Variants in HAUS7 observed in about 807,000 individuals in gnomAD.
The protein encoded by HAUS7 is HAUS augmin-like complex subunit 7.
In HAUS7, 3 loss-of-function variants were observed where a neutral mutation model predicts 28.4. The observed-to-expected ratio is 0.11, with a 90% CI of 0.05 to 0.27. The LOEUF is 0.27. Among genes scored for constraint, HAUS7 ranks in the 10% least tolerant of loss-of-function variants. HAUS7 has a pLI of 1.00. For synonymous variants in HAUS7, 165 were observed against 132.1 expected (o/e 1.25, Z -1.71); for missense variants, 284 against 297.3 (o/e 0.96, Z 0.33).
intron 3 of HAUS7, among the ~76,000 whole-genome samples, chrX:153,464,643 G>C (rs1008526678): frequency 8.9e-6 from 1 of 112,791 alleles, no homozygotes; most frequent in Non-Finnish European, 1.9e-5. Context: ...ATGATAGAAA[G>C]GAGGTTATAA....
At chrX:153,452,992 C>T (rs1012658604) in intron 9 of HAUS7, among the ~76,000 whole-genome samples, 1 of 111,969 alleles carries the variant, frequency 8.9e-6, no homozygotes, top group Non-Finnish European at 1.9e-5. Flanking sequence ...AAGAAAAATA[C>T]GTTCACACAA....
At chrX:153,472,753 G>A (rs985704098), upstream of HAUS7, among the ~76,000 whole-genome samples, 8 of 109,367 alleles carry the variant, frequency 7.3e-5, no homozygotes, top group African/African-American at 2.7e-4. Flanking sequence ...TACCATGGGG[G>A]AGGGAGGGGG....
chrX:153,478,945 TG>T (rs782628295), intron 1 of HAUS7, among the ~76,000 whole-genome samples: 6 of 112,340 alleles, frequency 5.3e-5, no homozygotes, highest in African/African-American at 1.6e-4. Flanking sequence ...TGGAGGCCAC[TG>T]GGCCAGAGCC....
chrX:153,483,854 A>G (rs2089617742), intron 1 of HAUS7, among the ~76,000 whole-genome samples: 1 of 111,187 alleles, frequency 9.0e-6, no homozygotes, highest in Non-Finnish European at 1.9e-5. Context: ...TGGTGGGGAG[A>G]GCTGGCCCGA....
chrX:153,492,878 C>A (rs913024078), intron 1 of HAUS7, among the ~76,000 whole-genome samples: 16 of 111,757 alleles, frequency 1.4e-4, no homozygotes, highest in African/African-American at 5.2e-4. Flanking sequence ...GCTGTTTCAC[C>A]CCCACTGGGA....
At chrX:153,488,765 C>T (rs1287642535) in intron 1 of HAUS7, among the ~76,000 whole-genome samples, 12 of 112,758 alleles carry the variant, frequency 1.1e-4, no homozygotes, top group African/African-American at 3.2e-4. Flanking sequence ...AGGTCAGGCC[C>T]GGGAGGCACA....
At chrX:153,453,576 AG>A (rs2089264500) in intron 9 of HAUS7, among the ~76,000 whole-genome samples, 2 of 110,523 alleles carry the variant, frequency 1.8e-5, no homozygotes, top group African/African-American at 6.6e-5. Flanking sequence ...AAAAAAAAAA[AG>A]GAATAGAATG....
At chrX:153,472,413 G>GCCCCC (rs2089532188), upstream of HAUS7, among the ~76,000 whole-genome samples, 1 of 84,033 alleles carries the variant, frequency 1.2e-5, no homozygotes, top group Non-Finnish European at 2.3e-5. Flanking sequence ...CCCTGCCCAC[G>GCCCCC]CCACCCCACC....
At chrX:153,451,710 A>G (rs1317979816) in intron 9 of HAUS7, among the ~76,000 whole-genome samples, 5 of 112,357 alleles carry the variant, frequency 4.5e-5, no homozygotes, top group Non-Finnish European at 9.4e-5. Flanking sequence ...AGACTAAACA[A>G]GAAGCTCAGG....
At chrX:153,491,770 C>T (rs2089672368) in intron 1 of HAUS7, among the ~76,000 whole-genome samples, 1 of 112,982 alleles carries the variant, frequency 8.9e-6, no homozygotes, top group Non-Finnish European at 1.9e-5. Context: ...CCAGGGCTGC[C>T]CTCCCCACGC....
chrX:153,464,746 G>A (rs2089435289), intron 3 of HAUS7, among the ~76,000 whole-genome samples: 1 of 112,288 alleles, frequency 8.9e-6, no homozygotes, highest in African/African-American at 3.2e-5. Context: ...CGGAACCACT[G>A]CTGGCATCGG....
At chrX:153,486,856 G>T (rs889134598) in intron 1 of HAUS7, 32 of 953,706 alleles carry the variant, frequency 3.4e-5, no homozygotes, top group Non-Finnish European at 4.2e-5. Flanking sequence ...TTCTCGAGGG[G>T]GTGGAGGGGC....
At chrX:153,483,491 G>C (rs1330025032) in intron 1 of HAUS7, 1 of 752,093 alleles carries the variant, frequency 1.3e-6, no homozygotes. Context: ...TTCGGAGGCA[G>C]AGAGCAAGGA....
chrX:153,455,146 T>C (rs1602929589), intron 8 of HAUS7: 1 of 461,674 alleles, frequency 2.2e-6, no homozygotes, highest in Non-Finnish European at 3.7e-6. Context: ...GGCAGGCATT[T>C]GTCTGCCTGT....
intron 1 of HAUS7, among the ~76,000 whole-genome samples, chrX:153,492,849 C>A (rs2089679789): frequency 1.8e-5 from 2 of 111,560 alleles, no homozygotes; most frequent in Admixed American, 1.9e-4. Context: ...CATGGCCCTG[C>A]GCCCCCACGG....
upstream of HAUS7, chrX:153,470,655 G>T: frequency 1.4e-5 from 15 of 1,094,560 alleles, no homozygotes; most frequent in Non-Finnish European, 1.8e-5. Context: ...ACCCGCCTGC[G>T]CCCACCCCCT....
chrX:153,454,519 AGG>A lies in HAUS7; in HGVS notation c.931-13_931-12del. ...GACCACTTGCAGCAGCTGGGGAGGG[AGG>A]GAGGGAGGGAGGGAGGGAGGGAGGG... On this transcript the variant is annotated splice_polypyrimidine_tract_variant and intron_variant, in intron 8 of 9. Coordinates refer to ENST00000370211, the MANE Select transcript of HAUS7 (RefSeq NM_001385482.1). The A allele has an allele frequency of 1.6e-5, 1 of 62,003 alleles. No homozygotes were observed. The highest frequency in any genetic ancestry group is 2.1e-4 in the East Asian group (1 of 4,804). 5.1% of individuals were successfully genotyped at this position (62,003 alleles called of 1,213,427 possible).
intron 1 of HAUS7, among the ~76,000 whole-genome samples, chrX:153,489,203 G>A (rs1394129043): frequency 1.8e-5 from 2 of 112,469 alleles, no homozygotes; most frequent in African/African-American, 6.5e-5. Flanking sequence ...GCTCAGGGCT[G>A]GGGACTTCAC....
chrX:153,454,518 G>A lies in HAUS7; in HGVS notation c.931-10C>T. The A allele has an allele frequency of 4.0e-6, 2 of 499,860 alleles. No homozygotes were observed. Among genetic ancestry groups the A allele is most frequent in the Middle Eastern group, 6.2e-4 (1 of 1,616 alleles). 41.2% of individuals were successfully genotyped at this position (499,860 alleles called of 1,213,427 possible). A position where few individuals can be genotyped will look rare whatever the true frequency, so the allele number is the denominator to read the frequency against. On this transcript the variant is annotated splice_polypyrimidine_tract_variant and intron_variant, in intron 8 of 9. Coordinates refer to ENST00000370211, the MANE Select transcript of HAUS7 (RefSeq NM_001385482.1). ...TGACCACTTGCAGCAGCTGGGGAGG[G>A]AGGGAGGGAGGGAGGGAGGGAGGGA...
Sources: allele counts gnomAD v4.1 joint callset (sites outside exome capture counted in the v4.1 genomes callset), GRCh38; gene constraint gnomAD v4.1.1; transcripts MANE v1.5; gene names NCBI Gene and HGNC (gene_info 2026-07-23, HGNC 2026-07-21).